SFXN1: variants seen among roughly 807,000 people sequenced by gnomAD.
The protein encoded by SFXN1 is sideroflexin 1.
In SFXN1, 32 loss-of-function variants were observed where a neutral mutation model predicts 39.5. The observed-to-expected ratio is 0.81, with a 90% CI of 0.61 to 1.09. The LOEUF (loss-of-function observed/expected upper bound fraction) is 1.09. Among genes scored for constraint, SFXN1 ranks in the 50% least tolerant of loss-of-function variants. The probability of loss-of-function intolerance (pLI) is 0.00; values close to 1 mark genes in which losing one functional copy is unlikely to be tolerated. For synonymous variants in SFXN1, 136 were observed against 146.5 expected (o/e 0.93, Z 0.52); for missense variants, 402 against 407.1 (o/e 0.99, Z 0.11).
chr5:175,504,494 G>C (rs1760213020), intron 2 of SFXN1, among the ~76,000 whole-genome samples: 1 of 150,884 alleles, frequency 6.6e-6, no homozygotes, highest in East Asian at 2.0e-4. Context: ...AGAATCGCTT[G>C]AACCTGGGAG....
chr5:175,490,968 A>G (rs368781930), intron 1 of SFXN1, among the ~76,000 whole-genome samples: 7 of 152,254 alleles, frequency 4.6e-5, no homozygotes, highest in African/African-American at 1.7e-4. Flanking sequence ...CGATGATTTC[A>G]GAGTGCCTGG....
intron 10 of SFXN1, chr5:175,522,946 T>G (rs1330623654): frequency 3.9e-5 from 6 of 152,796 alleles, no homozygotes; most frequent in Non-Finnish European, 7.3e-5. Flanking sequence ...AATCGGCATT[T>G]TCTACATCAG....
At chr5:175,525,508 A>G (rs888051273) in intron 10 of SFXN1, among the ~76,000 whole-genome samples, 35 of 152,144 alleles carry the variant, frequency 2.3e-4, no homozygotes, top group Non-Finnish European at 2.6e-4. Flanking sequence ...CCTTTTTTCT[A>G]TATTCGTAAT....
At chr5:175,506,622 T>C (rs867507279) in intron 2 of SFXN1, among the ~76,000 whole-genome samples, 1 of 152,308 alleles carries the variant, frequency 6.6e-6, no homozygotes. Context: ...CAGTATCTTA[T>C]AATCATGTAG....
At chr5:175,506,924 A>G (rs2102139) in intron 2 of SFXN1, among the ~76,000 whole-genome samples, 37,750 of 152,112 alleles carry the variant, frequency 0.25, 6,464 homozygotes, top group African/African-American at 0.48. Flanking sequence ...TTGGCCTCCC[A>G]AAGTGCTGGG....
At position 175,490,681 on chromosome 5, in the gene SFXN1, T is replaced by C. The variant is rs1009752481; in HGVS notation, c.-9-1414T>C. Among the ~76,000 whole-genome samples the C allele has an allele frequency of 1.3e-5, 2 of 152,150 alleles. 1 individual carries two copies. Among genetic ancestry groups the C allele is most frequent in the South Asian group, 4.1e-4 (2 of 4,826 alleles). ...CTTAAAATCCTTTGGCCTGCTAATA[T>C]CATGCAAAGAGAGCTAGTCTGAGGA... On this transcript the variant is annotated intron_variant, in intron 1 of 10. Transcript: ENST00000321442.
Position 175,526,701 on chromosome 5 carries a change from A to C in SFXN1, c.936A>C (p.Glu312Asp). ...CTAAGATCCAAGAGAGCCATCCTGAATTGCGACGCGTGTACTTCAATAAGG... is the reference window on the plus strand; with the variant it reads ...CTAAGATCCAAGAGAGCCATCCTGACTTGCGACGCGTGTACTTCAATAAGG... The part of the protein sequence containing the change: ...LQAKIQESHP[E>D]LRRVYFNKGL The change falls in exon 11 of 11, where the codon GAA becomes GAC. Residue 312 changes from glutamate to aspartate, a missense_variant. Physicochemically the swap from Glu to Asp is conservative, Grantham distance 45. Coordinates refer to ENST00000321442, the MANE Select transcript of SFXN1 (RefSeq NM_022754.7). 6.2e-7 allele frequency: 1 copy of C among 1,614,228 alleles called. No individual in the cohort carries two copies. Among genetic ancestry groups the C allele is most frequent in the South Asian group, 1.1e-5 (1 of 91,090 alleles).
At chr5:175,484,045 A>G (rs575729852) in intron 1 of SFXN1, 2 of 152,290 alleles carry the variant, frequency 1.3e-5, no homozygotes, top group East Asian at 3.9e-4. Flanking sequence ...TTGTTCTCCA[A>G]AACTTTCTTT....
At chr5:175,522,737 A>G (rs1486527646) in intron 10 of SFXN1, 1 of 276,574 alleles carries the variant, frequency 3.6e-6, no homozygotes, top group Non-Finnish European at 6.9e-6. Flanking sequence ...TGGCAAATGC[A>G]TCTGTAATAC....
At position 175,512,191 on chromosome 5, in the gene SFXN1, G is replaced by A. The variant is rs879188050; in HGVS notation, c.591G>A (p.Arg197=). The change falls in exon 6 of 11, where the codon AGG becomes AGA. Residue 197 remains arginine (R), a synonymous_variant. Transcript: ENST00000321442. ...AANCINIPLM[R]QRELKVGIPV... Reference sequence around the variant, plus strand: ...ATTGCATTAATATTCCATTAATGAGGCAAAGGTAAGACGAATATGCACTCT... The same window carrying A: ...ATTGCATTAATATTCCATTAATGAGACAAAGGTAAGACGAATATGCACTCT... 6.2e-7 allele frequency: 1 copy of A among 1,613,888 alleles called. No homozygotes were observed. Among genetic ancestry groups the A allele is most frequent in the Non-Finnish European group, 8.5e-7 (1 of 1,179,810 alleles).
chr5:175,488,750 A>G (rs1202646196), intron 1 of SFXN1, among the ~76,000 whole-genome samples: 1 of 152,058 alleles, frequency 6.6e-6, no homozygotes, highest in Non-Finnish European at 1.5e-5. Context: ...CCTTGACTAC[A>G]CTGGACATGG....
intron 2 of SFXN1, among the ~76,000 whole-genome samples, chr5:175,505,341 C>A (rs1447996529): frequency 6.6e-6 from 1 of 151,624 alleles, no homozygotes; most frequent in Non-Finnish European, 1.5e-5. Context: ...TCAAGACCAG[C>A]CTGGCCAACA....
intron 2 of SFXN1, among the ~76,000 whole-genome samples, chr5:175,507,200 A>G (rs1020403460): frequency 6.6e-6 from 1 of 151,174 alleles, no homozygotes; most frequent in Non-Finnish European, 1.5e-5. Flanking sequence ...CTGATTGCAC[A>G]TGGCCTTCCT....
At position 175,524,921 on chromosome 5, in the gene SFXN1, A is replaced by G. The variant is rs145817233; in HGVS notation, c.873-1717A>G. ...ACAAGCAAAATAGACAAATTTCTGG[A>G]AAAAATATTAGCAAAGCTGAAAAAT... On this transcript the variant is annotated intron_variant, in intron 10 of 10. Transcript: ENST00000321442. 1.5e-3 allele frequency among the ~76,000 whole-genome samples: 229 copies of G among 152,318 alleles called. 4 individuals are homozygous for G. The highest frequency in any genetic ancestry group is 5.1e-3 in the African/African-American group (213 of 41,582).
intron 1 of SFXN1, among the ~76,000 whole-genome samples, chr5:175,489,234 G>T (rs983230287): frequency 6.6e-6 from 1 of 152,132 alleles, no homozygotes; most frequent in Non-Finnish European, 1.5e-5. Flanking sequence ...TTCAGAAATG[G>T]GAGGAAATTA....
chr5:175,512,126 A>G lies in SFXN1; in HGVS notation c.526A>G (p.Ile176Val). 1 of 1,614,148 alleles carries G rather than the reference A, an allele frequency of 6.2e-7. No homozygotes were observed. The highest frequency in any genetic ancestry group is 8.5e-7 in the Non-Finnish European group (1 of 1,180,030). ...TCCTCTGCAGCATGTCTCACCACTGATAGGACGTTTTGTTCCCTTTGCTGC... is the reference window on the plus strand; with the variant it reads ...TCCTCTGCAGCATGTCTCACCACTGGTAGGACGTTTTGTTCCCTTTGCTGC... ...NALTKHVSPL[I>V]GRFVPFAAVA... Residue 176 changes from isoleucine (I) to valine (V), a missense_variant, in exon 6 of 11, where the codon ATA becomes GTA. By Grantham distance (29) the Ile-to-Val change is conservative. Transcript: ENST00000321442.
chr5:175,503,266 A>G (rs1239222939), intron 2 of SFXN1, among the ~76,000 whole-genome samples: 1 of 152,242 alleles, frequency 6.6e-6, no homozygotes, highest in African/African-American at 2.4e-5. Context: ...AAAATGTTAC[A>G]AGATCATAGA....
At chr5:175,513,300 A>T (rs1428876865) in intron 6 of SFXN1, among the ~76,000 whole-genome samples, 163 bp from the exon 7 acceptor site, 4 of 52,274 alleles carry the variant, frequency 7.7e-5, no homozygotes, top group African/African-American at 1.3e-4. Context: ...AGACTGTAAA[A>T]AAAAAAAAAA....
chr5:175,528,159 T>G lies in SFXN1; in HGVS notation c.*1425T>G, dbSNP rs1761130428. 6.6e-6 allele frequency: 1 copy of G among 152,172 alleles called. No homozygotes were observed. Among genetic ancestry groups the G allele is most frequent in the Non-Finnish European group, 1.5e-5 (1 of 68,046 alleles). The allele number at this position is 152,172 out of a possible 1,614,324, so 9.4% of individuals were successfully genotyped here. ...CTCCTGACCTCGTGATCCGCCCGCC[T>G]TGGCCTCCCAAGGTGCTGGGATTAC... On this transcript the variant is annotated 3_prime_UTR_variant, in exon 11 of 11. Transcript: ENST00000321442.
Sources: gnomAD v4.1 joint callset for allele counts (sites outside exome capture counted in the v4.1 genomes callset) on GRCh38, gnomAD v4.1.1 for gene constraint, MANE v1.5 for transcripts, NCBI Gene and HGNC (gene_info 2026-07-23, HGNC 2026-07-21) for gene names.